Variants in CDH18 observed in about 807,000 individuals in gnomAD.
CDH18 encodes the protein cadherin 18.
CDH18 carries 31 observed loss-of-function variants against 67.9 expected under a neutral mutation model. The observed-to-expected ratio is 0.46, with a 90% CI of 0.34 to 0.62. The LOEUF is 0.62. CDH18 is among the 20% of genes least tolerant of loss of function. CDH18 has a pLI of 0.01. For synonymous variants in CDH18, 362 were observed against 347.2 expected, an observed-to-expected ratio of 1.04 and a Z score of -0.48; for missense variants, 890 against 975.5, an observed-to-expected ratio of 0.91 and a Z score of 1.17.
At chr5:19,632,903 A>G (rs1580608065) in intron 5 of CDH18, among the ~76,000 whole-genome samples, 2 of 152,002 alleles carry the variant, frequency 1.3e-5, no homozygotes, top group Admixed American at 1.3e-4. Flanking sequence ...TCTTGTTTGT[A>G]TACTCCAACT....
At chr5:19,856,580 C>T (rs72740849) in intron 2 of CDH18, among the ~76,000 whole-genome samples, 4,174 of 151,982 alleles carry the variant, frequency 0.027, 84 homozygotes, top group Non-Finnish European at 0.043. Flanking sequence ...CGAATGTGAA[C>T]GGGTTTAAAA....
intron 2 of CDH18, among the ~76,000 whole-genome samples, chr5:20,200,146 T>C (rs2126751015): frequency 6.6e-6 from 1 of 152,306 alleles, no homozygotes; most frequent in South Asian, 2.1e-4. Flanking sequence ...ACATACAGAC[T>C]CTTTTGAATT....
At chr5:19,787,704 C>A (rs1054136427) in intron 3 of CDH18, among the ~76,000 whole-genome samples, 1 of 150,428 alleles carries the variant, frequency 6.6e-6, no homozygotes, top group Non-Finnish European at 1.5e-5. Flanking sequence ...GAGAGAGAAA[C>A]CAAGTACAAA....
chr5:19,987,407 A>G (rs929995155), intron 1 of CDH18, among the ~76,000 whole-genome samples: 1 of 152,128 alleles, frequency 6.6e-6, no homozygotes, highest in African/African-American at 2.4e-5. Flanking sequence ...ACAAACATAA[A>G]TAAAGTGTGT....
intron 8 of CDH18, among the ~76,000 whole-genome samples, chr5:19,564,631 C>A (rs1740035889): frequency 6.6e-6 from 1 of 152,200 alleles, no homozygotes; most frequent in South Asian, 2.1e-4. Flanking sequence ...AGGGTATTAA[C>A]AGATATGGTG....
At chr5:20,312,445 T>C (rs1193114370) in intron 1 of CDH18, among the ~76,000 whole-genome samples, 1 of 152,164 alleles carries the variant, frequency 6.6e-6, no homozygotes, top group East Asian at 1.9e-4. Flanking sequence ...AAGGGGACTA[T>C]GTCTGTTCAT....
intron 1 of CDH18, among the ~76,000 whole-genome samples, chr5:20,537,982 ATCT>A (rs1438931931): frequency 2.0e-5 from 3 of 152,184 alleles, no homozygotes; most frequent in African/African-American, 7.2e-5. Flanking sequence ...CGTAGAATTA[ATCT>A]TCTCTTTGTA....
rs551479217 is a variant in CDH18 at position 20,282,408 on chromosome 5, G to T, written c.-579-26903C>A. On this transcript the variant is annotated intron_variant, in intron 1 of 14. Transcript: ENST00000507958. ...GTAACATCAATACCTAATTTCTTGA[G>T]AGTTTTTAGCATGAAGGGCTGTTTA... Among the ~76,000 whole-genome samples the T allele has an allele frequency of 3.3e-5, 5 of 152,170 alleles. No homozygotes were observed. The South Asian group carries it at 1.0e-3, about 32-fold the overall frequency.
chr5:20,279,952 G>A (rs909547295), intron 1 of CDH18, among the ~76,000 whole-genome samples: 1 of 151,702 alleles, frequency 6.6e-6, no homozygotes, highest in African/African-American at 2.4e-5. Flanking sequence ...TAACTCTCAA[G>A]TATAGTCCAC....
Position 19,875,427 on chromosome 5 carries a change from G to GATAGATCGATCGATCT in CDH18, c.-256-36186_-256-36185insAGATCGATCGATCTAT, listed in dbSNP as rs1561488540. Among the ~76,000 whole-genome samples the GATAGATCGATCGATCT allele has an allele frequency of 1.3e-4, 19 of 149,640 alleles. No homozygotes were observed. In the East Asian group the frequency reaches 3.5e-3, roughly 28 times the overall value. The stretch of plus-strand genomic sequence containing the variant: ...AGATAGATAGATAGATAGATAGATA[G>GATAGATCGATCGATCT]ATAGATAGATAGATCGATCGATCTA... On this transcript the variant is annotated intron_variant, in intron 2 of 12. Coordinates refer to ENST00000382275, the MANE Select transcript of CDH18 (RefSeq NM_004934.5).
chr5:20,490,487 G>A (rs73764427), intron 1 of CDH18, among the ~76,000 whole-genome samples: 5,915 of 152,132 alleles, frequency 0.039, 394 homozygotes, highest in African/African-American at 0.13. Context: ...CTATTAGAAG[G>A]CTTCATTAGG....
intron 1 of CDH18, among the ~76,000 whole-genome samples, chr5:20,275,022 AAACTAGATTTGCCAATAAGT>A (rs762198233): frequency 5.9e-5 from 9 of 152,198 alleles, no homozygotes; most frequent in Non-Finnish European, 1.2e-4. Flanking sequence ...ATATCTAAGA[AAACTAGATTTGCCAATAAGT>A]AGTAGACAAG....
intron 2 of CDH18, among the ~76,000 whole-genome samples, chr5:20,218,236 G>C (rs1213708728): frequency 6.6e-6 from 1 of 151,866 alleles, no homozygotes; most frequent in Admixed American, 6.6e-5. Flanking sequence ...TAGGCACATG[G>C]ATGACACTCA....
chr5:19,930,501 T>G (rs1793566792), intron 2 of CDH18, among the ~76,000 whole-genome samples: 1 of 152,064 alleles, frequency 6.6e-6, no homozygotes, highest in Non-Finnish European at 1.5e-5. Flanking sequence ...GAGAAGGCTC[T>G]CCTATATTTT....
At chr5:20,321,003 C>A (rs1737973548) in intron 1 of CDH18, among the ~76,000 whole-genome samples, 1 of 152,146 alleles carries the variant, frequency 6.6e-6, no homozygotes, top group African/African-American at 2.4e-5. Context: ...TTCCTGTATG[C>A]ATTTTATGGA....
chr5:20,024,456 C>G (rs1738711294), intron 2 of CDH18, among the ~76,000 whole-genome samples: 1 of 152,094 alleles, frequency 6.6e-6, no homozygotes. Flanking sequence ...GTGAGAAAAA[C>G]TTTCAAAGAG....
intron 1 of CDH18, among the ~76,000 whole-genome samples, chr5:20,505,916 C>T (rs964068300): frequency 4.6e-5 from 7 of 152,170 alleles, no homozygotes; most frequent in Non-Finnish European, 1.0e-4. Flanking sequence ...CTCCATGTGG[C>T]CCATCAGTTA....
At chr5:20,101,110 C>A (rs985530034) in intron 2 of CDH18, among the ~76,000 whole-genome samples, 1 of 151,772 alleles carries the variant, frequency 6.6e-6, no homozygotes, top group South Asian at 2.1e-4. Flanking sequence ...TACACCACAT[C>A]GGGCTTTTTT....
intron 2 of CDH18, among the ~76,000 whole-genome samples, chr5:20,121,416 A>G (rs1338637922): frequency 6.6e-6 from 1 of 151,022 alleles, no homozygotes; most frequent in Non-Finnish European, 1.5e-5. Flanking sequence ...TTTTAATTAA[A>G]TCCTGTTTTT....
Sources: allele counts gnomAD v4.1 joint callset (sites outside exome capture counted in the v4.1 genomes callset), GRCh38; gene constraint gnomAD v4.1.1; transcripts MANE v1.5; gene names NCBI Gene and HGNC (gene_info 2026-07-23, HGNC 2026-07-21).